The following PGCKA1 variants were observed in gnomAD, a reference collection of about 807,000 sequenced individuals.
PGCKA1 encodes PDCD10 and GCKIII kinases associated 1, also known as PDCD10 and GCKIII kinases-associated protein 1.
At chr4:37,560,892 A>C in the PGCKA1 span, among the ~76,000 whole-genome samples, 5 of 152,128 alleles carry the variant, frequency 3.3e-5, no homozygotes, top group Non-Finnish European at 7.3e-5. Flanking sequence ...AAAGGTATTT[A>C]TCTTTCACCT....
the PGCKA1 span, among the ~76,000 whole-genome samples, chr4:37,571,402 A>C: frequency 2.5e-5 from 3 of 120,352 alleles, no homozygotes; most frequent in Non-Finnish European, 4.7e-5. Flanking sequence ...TCACTCTATC[A>C]TCCAGGCTGG....
the PGCKA1 span, among the ~76,000 whole-genome samples, chr4:37,523,422 C>G: frequency 2.0e-5 from 3 of 151,362 alleles, no homozygotes; most frequent in Middle Eastern, 3.4e-3. Context: ...TTGCCTCTTT[C>G]AGCAATGGAA....
the PGCKA1 span, among the ~76,000 whole-genome samples, chr4:37,566,612 C>T: frequency 6.6e-6 from 1 of 152,040 alleles, no homozygotes; most frequent in South Asian, 2.1e-4. Flanking sequence ...GAGACAGAGC[C>T]TTGCTCCATT....
At chr4:37,542,856 C>T in the PGCKA1 span, among the ~76,000 whole-genome samples, 1 of 152,142 alleles carries the variant, frequency 6.6e-6, no homozygotes, top group Admixed American at 6.5e-5. Context: ...GGTGCACCCA[C>T]CCCACTAAAT....
chr4:37,564,291 G>GA, the PGCKA1 span, among the ~76,000 whole-genome samples: 2 of 42,694 alleles, frequency 4.7e-5, no homozygotes, highest in African/African-American at 1.2e-4. Flanking sequence ...AAAAAAAAAA[G>GA]AAAGAAAAAA....
chr4:37,580,411 G>T, the PGCKA1 span, among the ~76,000 whole-genome samples: 2 of 148,028 alleles, frequency 1.4e-5, no homozygotes, highest in Non-Finnish European at 3.0e-5. Context: ...GGGCTTGTTT[G>T]TACCTGTTCT....
chr4:37,550,891 AC>A, the PGCKA1 span, among the ~76,000 whole-genome samples: 5 of 152,202 alleles, frequency 3.3e-5, no homozygotes, highest in African/African-American at 4.8e-5. Context: ...AACCACCCTG[AC>A]AATTTTTAGG....
At chr4:37,503,475 G>A in the PGCKA1 span, among the ~76,000 whole-genome samples, 1 of 152,170 alleles carries the variant, frequency 6.6e-6, no homozygotes, top group Admixed American at 6.5e-5. Flanking sequence ...CCATCTGCCA[G>A]GGAATCCTCA....
chr4:37,478,593 T>C, the PGCKA1 span, among the ~76,000 whole-genome samples: 6 of 152,212 alleles, frequency 3.9e-5, no homozygotes, highest in Admixed American at 3.3e-4. Context: ...CTCTTTACGC[T>C]TCTGTTTGTT....
the PGCKA1 span, among the ~76,000 whole-genome samples, chr4:37,466,565 A>C: frequency 4.6e-5 from 7 of 152,170 alleles, no homozygotes; most frequent in Non-Finnish European, 8.8e-5. Context: ...GAGAGAAGAG[A>C]TCAATTAAGG....
At chr4:37,557,766 A>G in the PGCKA1 span, among the ~76,000 whole-genome samples, 1 of 152,300 alleles carries the variant, frequency 6.6e-6, no homozygotes, top group Admixed American at 6.5e-5. Context: ...AAATCTCACT[A>G]TAATATTATT....
At chr4:37,492,177 G>A in the PGCKA1 span, among the ~76,000 whole-genome samples, 1 of 152,020 alleles carries the variant, frequency 6.6e-6, no homozygotes, top group South Asian at 2.1e-4. The surrounding 1 kb of genome is among the most constrained non-coding windows in gnomAD (Gnocchi z 4.7). Context: ...AAGTAGCTGG[G>A]ATTACAGGTG....
chr4:37,480,131 C>T, the PGCKA1 span, among the ~76,000 whole-genome samples: 2 of 152,138 alleles, frequency 1.3e-5, no homozygotes, highest in East Asian at 3.9e-4. Flanking sequence ...AAAGGGAGGT[C>T]GTAAGAGTTA....
chr4:37,586,374 C>T, the PGCKA1 span, among the ~76,000 whole-genome samples: 2 of 152,112 alleles, frequency 1.3e-5, no homozygotes, highest in Non-Finnish European at 2.9e-5. Context: ...TTATTGACTG[C>T]CTGCTCTGTA....
the PGCKA1 span, among the ~76,000 whole-genome samples, chr4:37,533,487 T>A: frequency 6.6e-6 from 1 of 152,260 alleles, no homozygotes; most frequent in African/African-American, 2.4e-5. Flanking sequence ...CAAACTATGT[T>A]TCTGCATTAC....
chr4:37,509,340 G>C, the PGCKA1 span, among the ~76,000 whole-genome samples: 24 of 139,114 alleles, frequency 1.7e-4, no homozygotes, highest in African/African-American at 6.7e-4. Context: ...GCCGGGCAGA[G>C]ACGCTGCTCA....
the PGCKA1 span, among the ~76,000 whole-genome samples, chr4:37,583,402 A>G: frequency 6.6e-6 from 1 of 151,460 alleles, no homozygotes; most frequent in Non-Finnish European, 1.5e-5. Context: ...TGGCATTAGC[A>G]TGGCCTTCTT....
chr4:37,570,135 A>G, the PGCKA1 span, among the ~76,000 whole-genome samples: 3 of 118,082 alleles, frequency 2.5e-5, no homozygotes, highest in African/African-American at 6.5e-5. Context: ...GCCCGCCACC[A>G]CGCCTGGCTA....
At chr4:37,583,856 A>G in the PGCKA1 span, among the ~76,000 whole-genome samples, 1 of 152,178 alleles carries the variant, frequency 6.6e-6, no homozygotes. Context: ...TTATGCTCCA[A>G]AGAGGAAGCA....
Sources: allele counts gnomAD v4.1 joint callset (sites outside exome capture counted in the v4.1 genomes callset), GRCh38; gene constraint gnomAD v4.1.1; non-coding constraint Gnocchi (gnomAD v3.1); transcripts MANE v1.5; gene names NCBI Gene and HGNC (gene_info 2026-07-23, HGNC 2026-07-21).